Variants in OR2AT4 observed in about 807,000 individuals in gnomAD.
OR2AT4 encodes the protein olfactory receptor 2AT4.
A neutral mutation model predicts 10.3 loss-of-function variants in OR2AT4; 6 were observed. That is an observed-to-expected ratio of 0.58 (90% CI 0.32 to 1.15). The LOEUF (loss-of-function observed/expected upper bound fraction) is 1.15. Among genes scored for constraint, OR2AT4 ranks in the 50% most tolerant of loss-of-function variants. The probability of loss-of-function intolerance (pLI) is 0.05; values close to 1 mark genes in which losing one functional copy is unlikely to be tolerated. For synonymous variants in OR2AT4, 145 were observed against 159.1 expected (o/e 0.91, Z 0.67); for missense variants, 354 against 393.8 (o/e 0.90, Z 0.85).
chr11:75,095,231 A>G (rs951047819), intron 1 of OR2AT4, among the ~76,000 whole-genome samples: 9 of 152,208 alleles, frequency 5.9e-5, no homozygotes, highest in African/African-American at 2.2e-4. Context: ...TCTTTGTAGG[A>G]TGTTTCATGA....
intron 1 of OR2AT4, among the ~76,000 whole-genome samples, chr11:75,095,423 C>T (rs1384773859): frequency 1.3e-5 from 2 of 152,156 alleles, no homozygotes; most frequent in African/African-American, 4.8e-5. Context: ...CTTTCCTGGG[C>T]TCTTGAAGTT....
chr11:75,091,004 G>C (rs1286494342), intron 1 of OR2AT4, among the ~76,000 whole-genome samples: 3 of 152,178 alleles, frequency 2.0e-5, no homozygotes, highest in African/African-American at 7.2e-5. Context: ...ACTCCTTCCG[G>C]GGTGAGGAGA....
exon 2 of OR2AT4, chr11:75,089,633 G>A: frequency 1.9e-6 from 3 of 1,613,962 alleles, no homozygotes; most frequent in Non-Finnish European, 2.5e-6. Context: ...GGAGGAAGAA[G>A]GTCTCTGGCA....
At chr11:75,089,445 A>G in exon 2 of OR2AT4, 1 of 1,614,164 alleles carries the variant, frequency 6.2e-7, no homozygotes, top group Non-Finnish European at 8.5e-7. Flanking sequence ...CCCAAGCAAG[A>G]ATAAGGACAG....
At chr11:75,089,290 T>C (rs761636564) in exon 2 of OR2AT4, 5 of 1,614,068 alleles carry the variant, frequency 3.1e-6, no homozygotes, top group Non-Finnish European at 3.4e-6. Context: ...GTCTGTGGGT[T>C]CATGAGGACA....
intron 1 of OR2AT4, among the ~76,000 whole-genome samples, chr11:75,092,885 A>T (rs567147532): frequency 6.6e-6 from 1 of 151,894 alleles, no homozygotes; most frequent in Non-Finnish European, 1.5e-5. Flanking sequence ...GCGGATCATG[A>T]GGTCAGGAGT....
chr11:75,083,521 G>A (rs994505150), exon 2 of OR2AT4: 1 of 152,154 alleles, frequency 6.6e-6, no homozygotes, highest in African/African-American at 2.4e-5. Context: ...GCTATCATTT[G>A]ACCCAGCAAT....
chr11:75,082,769 A>G (rs1949272408), exon 2 of OR2AT4: 1 of 152,170 alleles, frequency 6.6e-6, no homozygotes, highest in Non-Finnish European at 1.5e-5. Context: ...TAAACAGACA[A>G]CCTACAGAAT....
At chr11:75,096,316 C>CT (rs1258379912) in intron 1 of OR2AT4, 1 of 152,256 alleles carries the variant, frequency 6.6e-6, no homozygotes, top group African/African-American at 2.4e-5. Context: ...TGTTAAGCTT[C>CT]TGTTGCCTGC....
chr11:75,088,883 G>C, exon 2 of OR2AT4: 1 of 1,614,040 alleles, frequency 6.2e-7, no homozygotes, highest in Admixed American at 1.7e-5. Flanking sequence ...CATTGCCCAT[G>C]ATATGGAAGT....
At chr11:75,091,966 G>A (rs1397609981) in intron 1 of OR2AT4, among the ~76,000 whole-genome samples, 1 of 152,146 alleles carries the variant, frequency 6.6e-6, no homozygotes, top group Non-Finnish European at 1.5e-5. Context: ...ACCAGACTAG[G>A]AGAAGATATT....
chr11:75,082,902 A>C (rs1949272979), exon 2 of OR2AT4: 1 of 152,122 alleles, frequency 6.6e-6, no homozygotes, highest in Non-Finnish European at 1.5e-5. Flanking sequence ...CAACATAGAG[A>C]GAACCTGTCT....
At chr11:75,091,376 GTATAAC>G (rs1274716063) in intron 1 of OR2AT4, among the ~76,000 whole-genome samples, 2 of 152,142 alleles carry the variant, frequency 1.3e-5, no homozygotes, top group African/African-American at 4.8e-5. Flanking sequence ...AAGGACTCTA[GTATAAC>G]TATGTTTATA....
At chr11:75,085,237 CTA>C (rs1184404710) in exon 2 of OR2AT4, 1 of 151,932 alleles carries the variant, frequency 6.6e-6, no homozygotes, top group Non-Finnish European at 1.5e-5. Context: ...ACAAACAACT[CTA>C]TGTTTATAAA....
intron 1 of OR2AT4, among the ~76,000 whole-genome samples, chr11:75,096,551 C>A (rs1949349645): frequency 6.6e-6 from 1 of 152,182 alleles, no homozygotes; most frequent in Non-Finnish European, 1.5e-5. Context: ...ACAAATTATT[C>A]CCATTTCTCT....
chr11:75,087,333 T>G (rs1949295965), exon 2 of OR2AT4: 1 of 152,298 alleles, frequency 6.6e-6, no homozygotes, highest in East Asian at 1.9e-4. Context: ...AAACCATGCA[T>G]GGTAAAATAA....
At chr11:75,095,840 G>A (rs1949346945) in intron 1 of OR2AT4, among the ~76,000 whole-genome samples, 1 of 151,998 alleles carries the variant, frequency 6.6e-6, no homozygotes, top group Admixed American at 6.5e-5. Flanking sequence ...ACCATGTCCG[G>A]CTAATTTTTG....
intron 1 of OR2AT4, among the ~76,000 whole-genome samples, chr11:75,092,243 AGTAACTG>A (rs1949323484): frequency 6.6e-6 from 1 of 152,254 alleles, no homozygotes. Context: ...TAAGATATGT[AGTAACTG>A]GTACCTTCAT....
intron 1 of OR2AT4, among the ~76,000 whole-genome samples, chr11:75,092,455 G>A (rs575334311): frequency 5.3e-5 from 8 of 152,164 alleles, no homozygotes; most frequent in African/African-American, 1.9e-4. Context: ...ATAATATATA[G>A]ATATCTATAG....
Sources: gnomAD v4.1 joint callset for allele counts (sites outside exome capture counted in the v4.1 genomes callset) on GRCh38, gnomAD v4.1.1 for gene constraint, MANE v1.5 for transcripts, NCBI Gene and HGNC (gene_info 2026-07-23, HGNC 2026-07-21) for gene names.